The following NDST1 variants were observed in gnomAD, a reference collection of about 807,000 sequenced individuals.
The protein encoded by NDST1 is bifunctional heparan sulfate N-deacetylase/N-sulfotransferase 1.
NDST1 carries 35 observed loss-of-function variants against 92.8 expected under a neutral mutation model. The ratio of observed to expected loss-of-function variants is 0.38; its 90% CI spans 0.29 to 0.50. NDST1 has a LOEUF of 0.50. NDST1 is among the 20% of genes least tolerant of loss of function. The probability of loss-of-function intolerance (pLI) is 0.94; values close to 1 mark genes in which losing one functional copy is unlikely to be tolerated. For synonymous variants in NDST1, 493 were observed against 500.3 expected (o/e 0.99, Z 0.19); for missense variants, 822 against 1,182.7 (o/e 0.69, Z 4.47).
intron 14 of NDST1, 103 bp downstream of exon 14, chr5:150,551,958 C>A: frequency 6.6e-7 from 1 of 1,521,966 alleles, no homozygotes; most frequent in South Asian, 1.2e-5. Flanking sequence ...TCAGCATGTT[C>A]ATGGCCTTAG....
upstream of NDST1, among the ~76,000 whole-genome samples, chr5:150,505,518 A>T (rs1413975475): frequency 6.6e-6 from 1 of 152,162 alleles, no homozygotes; most frequent in Admixed American, 6.5e-5. Context: ...GGCCATGATC[A>T]AGTAGAGGCC....
Position 150,548,139 on chromosome 5 carries a change from C to T in NDST1, c.2146-79C>T, listed in dbSNP as rs532635816. On this transcript the variant is annotated intron_variant, in intron 11 of 14. Coordinates refer to ENST00000261797, the MANE Select transcript of NDST1 (RefSeq NM_001543.5). ...GTCCAGCTGAGGATCTTCTGGCCAC[C>T]TTGCGGGCTGCTGTCCCTCTCAGGC... The T allele has an allele frequency of 1.1e-5, 17 of 1,568,384 alleles. No homozygotes were observed. The Admixed American group carries it at 3.0e-4, about 27-fold the overall frequency.
chr5:150,553,495 G>T lies in NDST1; in HGVS notation c.*163G>T, dbSNP rs771914587. ...GCTGGGGGAGCACCCAGGCGGATCTGCAAGCACCTCGGAGCACCCACCGCT... is the reference window on the plus strand; with the variant it reads ...GCTGGGGGAGCACCCAGGCGGATCTTCAAGCACCTCGGAGCACCCACCGCT... On this transcript the variant is annotated 3_prime_UTR_variant, in exon 15 of 15. Transcript: ENST00000261797. This position sits in a 1 kb window ranked among gnomAD's most constrained non-coding sequence, Gnocchi z 4.2. 47 of 997,076 alleles carry T rather than the reference G, an allele frequency of 4.7e-5. No homozygotes were observed. The highest frequency in any genetic ancestry group is 7.1e-5 in the Non-Finnish European group (46 of 647,420). The allele number at this position is 997,076 out of a possible 1,614,324, so 61.8% of individuals were successfully genotyped here. A position where few individuals can be genotyped will look rare whatever the true frequency, so the allele number is the denominator to read the frequency against.
intron 11 of NDST1, among the ~76,000 whole-genome samples, chr5:150,546,564 G>T (rs541247550): frequency 2.0e-5 from 3 of 152,216 alleles, no homozygotes; most frequent in African/African-American, 4.8e-5. Flanking sequence ...TGGGGAGGGG[G>T]TGGGGCCCTG....
rs577401677 is a variant in NDST1 at position 150,554,115 on chromosome 5, T to C, written c.*783T>C. The stretch of plus-strand genomic sequence containing the variant: ...GGGGTCTGCCAGTAACATGTTCCCA[T>C]GTACAGACACGGTCCCCACACCCTC... On this transcript the variant is annotated 3_prime_UTR_variant, in exon 15 of 15. Coordinates refer to ENST00000261797, the MANE Select transcript of NDST1 (RefSeq NM_001543.5). The C allele has an allele frequency of 7.5e-5, 30 of 400,104 alleles. No homozygotes were observed. Among genetic ancestry groups the C allele is most frequent in the Non-Finnish European group, 1.3e-4 (29 of 227,120 alleles). The allele number at this position is 400,104 out of a possible 1,614,324, so 24.8% of individuals were successfully genotyped here.
rs55954668 is a variant in NDST1 at position 150,554,335 on chromosome 5, T to TTATATA, written c.*1022_*1027dup. On this transcript the variant is annotated 3_prime_UTR_variant, in exon 15 of 15. Transcript: ENST00000261797. ...CCCTGGGTGCTGGGGTCGCACTGTG[T>TTATATA]TATATATATATATATATATATATAA... The TTATATA allele has an allele frequency of 0.029, 4,005 of 138,206 alleles. 137 individuals carry two copies. The highest frequency in any genetic ancestry group is 0.087 in the African/African-American group (3,098 of 35,812). The allele number at this position is 138,206 out of a possible 1,614,324, so 8.6% of individuals were successfully genotyped here.
chr5:150,514,048 C>T (rs563078393), intron 1 of NDST1, among the ~76,000 whole-genome samples: 3 of 152,190 alleles, frequency 2.0e-5, no homozygotes, highest in Non-Finnish European at 4.4e-5. Flanking sequence ...GGCTGTGGGC[C>T]ACTGGCCTTT....
chr5:150,545,214 G>C, intron 10 of NDST1, 98 bp from the exon 11 acceptor site: 1 of 1,407,766 alleles, frequency 7.1e-7, no homozygotes, highest in Non-Finnish European at 1.0e-6. Flanking sequence ...CTTGCTCTCT[G>C]AGGACATTCT....
chr5:150,531,631 C>A (rs1356194891), intron 3 of NDST1, among the ~76,000 whole-genome samples: 1 of 150,758 alleles, frequency 6.6e-6, no homozygotes, highest in African/African-American at 2.4e-5. Flanking sequence ...TCCCGAATAG[C>A]TGGGATTACA....
intron 2 of NDST1, among the ~76,000 whole-genome samples, chr5:150,526,596 G>A (rs541717280): frequency 1.3e-5 from 2 of 152,338 alleles, no homozygotes; most frequent in East Asian, 3.9e-4. Flanking sequence ...TTAAGGGGTT[G>A]CAGGCTGGTG....
rs1214993685 is a variant in NDST1 at position 150,528,044 on chromosome 5, C to T, written c.754C>T (p.Leu252=). 1.9e-6 allele frequency: 3 copies of T among 1,613,410 alleles called. No individual in the cohort carries two copies. The African/African-American group carries it at 4.0e-5, about 22-fold the overall frequency. The change falls in exon 3 of 15, where the codon CTG becomes TTG. Residue 252 remains leucine (L), a synonymous_variant. Coordinates refer to ENST00000261797, the MANE Select transcript of NDST1 (RefSeq NM_001543.5). ...KTRSSESIPH[L]GADAGLHAAL... Reference sequence around the variant, plus strand: ...GCGCTCGTCTGAGTCCATCCCACACCTGGGCGCAGACGCCGGCCTGCATGC... The same window carrying T: ...GCGCTCGTCTGAGTCCATCCCACACTTGGGCGCAGACGCCGGCCTGCATGC...
At chr5:150,550,204 G>A (rs1463762195) in intron 13 of NDST1, among the ~76,000 whole-genome samples, 2 of 151,310 alleles carry the variant, frequency 1.3e-5, no homozygotes, top group Non-Finnish European at 2.9e-5. Flanking sequence ...AGGCTCAAGT[G>A]ATCCTCCCAC....
chr5:150,545,099 C>T (rs1220944841), intron 10 of NDST1, among the ~76,000 whole-genome samples: 1 of 152,228 alleles, frequency 6.6e-6, no homozygotes, highest in Non-Finnish European at 1.5e-5. Context: ...CCAGAGTCTT[C>T]TGGAAAAGGA....
intron 12 of NDST1, among the ~76,000 whole-genome samples, chr5:150,549,301 C>T (rs181530728): frequency 3.9e-5 from 6 of 152,328 alleles, no homozygotes; most frequent in East Asian, 3.9e-4. Flanking sequence ...TGTGAGCCAC[C>T]GTGCCCGGCC....
chr5:150,528,106 G>C lies in NDST1; in HGVS notation c.816G>C (p.Leu272=). 6.2e-7 allele frequency: 1 copy of C among 1,613,970 alleles called. No individual in the cohort carries two copies. The highest frequency in any genetic ancestry group is 1.1e-5 in the South Asian group (1 of 91,082). Reference sequence around the variant, plus strand: ...CCACTGTGGTCCAGGACCTGGGCCTGCACGACGGCATCCAGCGCGTGCTGT... The same window carrying C: ...CCACTGTGGTCCAGGACCTGGGCCTCCACGACGGCATCCAGCGCGTGCTGT... The part of the protein sequence containing the change: ...LHATVVQDLG[L]HDGIQRVLFG... Residue 272 remains leucine, a synonymous_variant, in exon 3 of 15, where the codon CTG becomes CTC. Coordinates refer to ENST00000261797, the MANE Select transcript of NDST1 (RefSeq NM_001543.5).
Position 150,548,220 on chromosome 5 carries a change from CCA to C in NDST1, c.2149_2150del (p.Gln717AlafsTer4). On this transcript the variant is annotated frameshift_variant, in exon 12 of 15. Transcript: ENST00000261797. LOFTEE classifies it high-confidence loss of function. The part of the protein sequence containing the change: ...ADRAYSWYQH[Q>X]RAHDDPVALK... ...TGACCCTCTTTCCTTGCCTGCAGCA[CCA>C]GCGAGCCCATGACGACCCAGTGGCC... 1 of 1,614,174 alleles carries C rather than the reference CCA, an allele frequency of 6.2e-7. No individual in the cohort carries two copies. The highest frequency in any genetic ancestry group is 8.5e-7 in the Non-Finnish European group (1 of 1,180,036).
At position 150,521,245 on chromosome 5, in the gene NDST1, G is replaced by A. The variant is rs1296796841; in HGVS notation, c.-10G>A. ...CCGGGCCTCCGGTGGCCAAGGTCTCGGAGGCCAGGATGCCTGCCCTGGCAT... is the reference window on the plus strand; with the variant it reads ...CCGGGCCTCCGGTGGCCAAGGTCTCAGAGGCCAGGATGCCTGCCCTGGCAT... On this transcript the variant is annotated 5_prime_UTR_variant, in exon 2 of 15. Transcript: ENST00000261797. This position sits in a 1 kb window ranked among gnomAD's most constrained non-coding sequence, Gnocchi z 5.9. The A allele has an allele frequency of 6.2e-6, 10 of 1,602,548 alleles. 1 individual carries two copies. Among genetic ancestry groups the A allele is most frequent in the African/African-American group, 5.3e-5 (4 of 74,802 alleles).
chr5:150,527,700 G>T (rs958781791), intron 2 of NDST1, 104 bp from the exon 3 acceptor site: 436 of 1,543,144 alleles, frequency 2.8e-4, no homozygotes, highest in Non-Finnish European at 3.6e-4. Context: ...ATGAATGTTG[G>T]TGAATATTGA....
At chr5:150,499,042 A>C (rs1267876828) in intron 1 of NDST1, among the ~76,000 whole-genome samples, 1 of 152,174 alleles carries the variant, frequency 6.6e-6, no homozygotes, top group African/African-American at 2.4e-5. Flanking sequence ...GCCCAGCACC[A>C]ATGCCTTCTC....
Sources: gnomAD v4.1 joint callset for allele counts (sites outside exome capture counted in the v4.1 genomes callset) on GRCh38, gnomAD v4.1.1 for gene constraint, Gnocchi (gnomAD v3.1) non-coding constraint, MANE v1.5 for transcripts, NCBI Gene and HGNC (gene_info 2026-07-23, HGNC 2026-07-21) for gene names.